CDH13: variants seen among roughly 807,000 people sequenced by gnomAD.
CDH13 encodes the protein cadherin 13, also known as cadherin-13.
CDH13 carries 24 observed loss-of-function variants against 63.8 expected under a neutral mutation model. The ratio of observed to expected loss-of-function variants is 0.38; its 90% CI spans 0.27 to 0.53. The LOEUF is 0.53. CDH13 is among the 20% of genes least tolerant of loss of function. The pLI is 0.85. For synonymous variants in CDH13, 503 were observed against 355.3 expected, an observed-to-expected ratio of 1.42 and a Z score of -4.67; for missense variants, 1,049 against 903.1, an observed-to-expected ratio of 1.16 and a Z score of -2.07.
In CDH13 at chr16:82,873,151, G is replaced by C. The variant is rs569833740; in HGVS notation, c.157+14678G>C. The stretch of plus-strand genomic sequence containing the variant: ...AGAATCCAGTGAGGTAAAAATCAAT[G>C]GTATAAACACTTAGGCTGAGGGAGT... On this transcript the variant is annotated intron_variant, in intron 2 of 13. Coordinates refer to ENST00000567109, the MANE Select transcript of CDH13 (RefSeq NM_001257.5). 4.2e-4 allele frequency among the ~76,000 whole-genome samples: 64 copies of C among 152,192 alleles called. 1 individual carries two copies. The highest frequency in any genetic ancestry group is 7.2e-4 in the Non-Finnish European group (49 of 68,002).
chr16:82,852,742 C>T (rs192089410), intron 1 of CDH13, among the ~76,000 whole-genome samples: 2 of 152,260 alleles, frequency 1.3e-5, no homozygotes, highest in East Asian at 3.9e-4. Context: ...GAAACAAGAA[C>T]CAGGGAGTGG....
chr16:83,636,485 G>C (rs879537542), intron 8 of CDH13, among the ~76,000 whole-genome samples: 1 of 151,970 alleles, frequency 6.6e-6, no homozygotes. Context: ...CCATGTTTAT[G>C]TCCATTTGCA....
chr16:83,281,817 G>T (rs2089184408), intron 5 of CDH13, among the ~76,000 whole-genome samples: 1 of 152,046 alleles, frequency 6.6e-6, no homozygotes. Flanking sequence ...GGAGGCTGAG[G>T]CAGGAGAATT....
chr16:82,893,718 T>A (rs1034686858), intron 2 of CDH13, among the ~76,000 whole-genome samples: 1 of 152,194 alleles, frequency 6.6e-6, no homozygotes, highest in Non-Finnish European at 1.5e-5. Context: ...CTTTTAATCA[T>A]TGGGCCATAG....
rs548526164 is a variant in CDH13, at chr16:82,740,833, A to G, written c.45+113696A>G. ...GAACATTCTGTTTGGAAGAACTTCA[A>G]AGCCTCATAGCAAAAGCCTCCATAT... On this transcript the variant is annotated intron_variant, in intron 1 of 13. Transcript: ENST00000567109. Among the ~76,000 whole-genome samples the G allele has an allele frequency of 4.6e-5, 7 of 152,304 alleles. No individual in the cohort carries two copies. In the East Asian group the frequency reaches 1.3e-3, roughly 29 times the overall value.
intron 7 of CDH13, among the ~76,000 whole-genome samples, chr16:83,491,722 T>C (rs1183854142): frequency 1.3e-5 from 2 of 152,198 alleles, no homozygotes; most frequent in Non-Finnish European, 1.5e-5. Context: ...CTTTACCTTA[T>C]TATCTATTAT....
chr16:83,681,847 C>T lies in CDH13; in HGVS notation c.1538+3386C>T, dbSNP rs1429355863. 2.6e-5 allele frequency among the ~76,000 whole-genome samples: 4 copies of T among 152,140 alleles called. No individual in the cohort carries two copies. In the South Asian group the frequency reaches 6.2e-4, roughly 24 times the overall value. ...TCTAATCATCTGCGCTGGGCTACCC[C>T]GGCTTCTCAGACAGATGCAACGGCC... On this transcript the variant is annotated intron_variant, in intron 10 of 13. Coordinates refer to ENST00000567109, the MANE Select transcript of CDH13 (RefSeq NM_001257.5).
chr16:83,524,590 C>T (rs1240354921), intron 7 of CDH13, among the ~76,000 whole-genome samples: 5 of 151,650 alleles, frequency 3.3e-5, no homozygotes, highest in South Asian at 2.1e-4. Context: ...GTAGCTGGGA[C>T]TACAGGCACC....
intron 11 of CDH13, among the ~76,000 whole-genome samples, chr16:83,759,192 G>C (rs1913753437): frequency 6.6e-6 from 1 of 152,134 alleles, no homozygotes. Context: ...ACAAAGATGG[G>C]AACAAGCTGA....
chr16:82,707,361 C>T (rs1476815651), intron 1 of CDH13, among the ~76,000 whole-genome samples: 2 of 152,146 alleles, frequency 1.3e-5, no homozygotes, highest in African/African-American at 4.8e-5. Context: ...ACATATTTAA[C>T]AACAGGTGCA....
intron 8 of CDH13, among the ~76,000 whole-genome samples, chr16:83,608,988 G>C (rs1299681840): frequency 1.3e-5 from 2 of 152,116 alleles, no homozygotes; most frequent in Non-Finnish European, 2.9e-5. Context: ...TAGCAGGGTT[G>C]ATAGAAATTT....
At position 83,223,608 on chromosome 16, in the gene CDH13, C is replaced by G. The variant is rs149825794; in HGVS notation, c.636+6111C>G. Among the ~76,000 whole-genome samples, 10 of 152,314 alleles carry G rather than the reference C, an allele frequency of 6.6e-5. No individual in the cohort carries two copies. In the South Asian group the frequency reaches 1.5e-3, roughly 22 times the overall value. Reference sequence around the variant, plus strand: ...AAGAGCCAGGTGACTTTGCCAAGCTCAGAACCTCTGATCTGCAAAGCACAG... The same window carrying G: ...AAGAGCCAGGTGACTTTGCCAAGCTGAGAACCTCTGATCTGCAAAGCACAG... On this transcript the variant is annotated intron_variant, in intron 5 of 13. Coordinates refer to ENST00000567109, the MANE Select transcript of CDH13 (RefSeq NM_001257.5).
intron 11 of CDH13, among the ~76,000 whole-genome samples, chr16:83,771,306 A>T (rs568173729): frequency 4.0e-4 from 61 of 152,356 alleles, no homozygotes; most frequent in African/African-American, 1.4e-3. Context: ...CCAGGTGGCC[A>T]ACTTGGCCAT....
chr16:83,080,871 G>GGTTTTTTTTTTTTTTTT (rs2033183201), intron 3 of CDH13, among the ~76,000 whole-genome samples: 3 of 46,926 alleles, frequency 6.4e-5, no homozygotes, highest in African/African-American at 2.8e-4. Flanking sequence ...TTGTTTTTGT[G>GGTTTTTTTTTTTTTTTT]TTTTTTTTTT....
chr16:83,477,991 C>A (rs892939655), intron 6 of CDH13, among the ~76,000 whole-genome samples: 2 of 152,004 alleles, frequency 1.3e-5, no homozygotes, highest in African/African-American at 4.8e-5. Context: ...ACCATCCTGA[C>A]TAACATGGTG....
At chr16:83,243,235 A>G (rs1904647246) in intron 5 of CDH13, among the ~76,000 whole-genome samples, 1 of 152,176 alleles carries the variant, frequency 6.6e-6, no homozygotes, top group Non-Finnish European at 1.5e-5. Context: ...TGATAAAAAC[A>G]TACCTGCGAC....
At chr16:83,092,985 G>A (rs1426805311) in intron 3 of CDH13, among the ~76,000 whole-genome samples, 1 of 152,142 alleles carries the variant, frequency 6.6e-6, no homozygotes, top group Non-Finnish European at 1.5e-5. Context: ...AAGGCACTGT[G>A]ATAGTATCTA....
chr16:82,632,618 G>A (rs1908147096), intron 1 of CDH13, among the ~76,000 whole-genome samples: 1 of 152,128 alleles, frequency 6.6e-6, no homozygotes, highest in Non-Finnish European at 1.5e-5. Context: ...ATCATATAGA[G>A]GCCTGCATAC....
At chr16:82,638,893 C>A (rs1909038061) in intron 1 of CDH13, among the ~76,000 whole-genome samples, 1 of 149,020 alleles carries the variant, frequency 6.7e-6, no homozygotes, top group Non-Finnish European at 1.5e-5. Context: ...TCCATGTAAC[C>A]ACAATTCACT....
Sources: allele counts gnomAD v4.1 joint callset (sites outside exome capture counted in the v4.1 genomes callset), GRCh38; gene constraint gnomAD v4.1.1; transcripts MANE v1.5; gene names NCBI Gene and HGNC (gene_info 2026-07-23, HGNC 2026-07-21).